TSPAN7: variants seen among roughly 807,000 people sequenced by gnomAD.
The protein encoded by TSPAN7 is tetraspanin-7.
A neutral mutation model predicts 17.6 loss-of-function variants in TSPAN7; 1 was observed. The ratio of observed to expected loss-of-function variants is 0.06; its 90% CI spans 0.02 to 0.27. The LOEUF (loss-of-function observed/expected upper bound fraction) is 0.27, where lower values mean the gene tolerates loss of function less well. TSPAN7 is among the 10% of genes least tolerant of loss of function. TSPAN7 has a pLI of 1.00. For missense variants in TSPAN7, 112 were observed against 201.7 expected (o/e 0.56, Z 2.69); for synonymous variants, 78 against 79.0 (o/e 0.99, Z 0.07).
intron 1 of TSPAN7, among the ~76,000 whole-genome samples, chrX:38,662,660 A>ATC (rs2069754031): frequency 9.0e-6 from 1 of 111,674 alleles, no homozygotes; most frequent in African/African-American, 3.3e-5. Flanking sequence ...TAAGAGGATC[A>ATC]TCATGAACAA....
intron 1 of TSPAN7, among the ~76,000 whole-genome samples, chrX:38,644,818 A>G (rs1321252417): frequency 8.9e-6 from 1 of 112,476 alleles, no homozygotes; most frequent in Non-Finnish European, 1.9e-5. Context: ...ATAAATATCA[A>G]TTTGTTTAAT....
chrX:38,663,925 T>C (rs149251667), intron 1 of TSPAN7, among the ~76,000 whole-genome samples: 147 of 112,782 alleles, frequency 1.3e-3, no homozygotes, highest in African/African-American at 4.3e-3. Flanking sequence ...GGAATGCAGC[T>C]GCTCAGTTTG....
intron 3 of TSPAN7, among the ~76,000 whole-genome samples, chrX:38,673,471 G>A (rs1371211975): frequency 3.8e-5 from 4 of 106,445 alleles, no homozygotes; most frequent in African/African-American, 1.4e-4. Context: ...GGGTTCAAGC[G>A]ATTCTCTTGA....
At chrX:38,592,382 T>TA (rs1204056297) in intron 1 of TSPAN7, among the ~76,000 whole-genome samples, 1 of 112,200 alleles carries the variant, frequency 8.9e-6, no homozygotes. Context: ...TTAGTCTACT[T>TA]ACACTTAATA....
At chrX:38,596,261 C>A in intron 1 of TSPAN7, among the ~76,000 whole-genome samples, 1 of 111,388 alleles carries the variant, frequency 9.0e-6, no homozygotes, top group Admixed American at 9.6e-5. Flanking sequence ...ATGACTGTTT[C>A]TTTACTTCCT....
At chrX:38,681,050 A>C (rs1312849967) in intron 5 of TSPAN7, among the ~76,000 whole-genome samples, 154 bp from the exon 6 acceptor site, 1 of 112,077 alleles carries the variant, frequency 8.9e-6, no homozygotes, top group Non-Finnish European at 1.9e-5. Flanking sequence ...TATTGTTTTA[A>C]GTTTGAAAAG....
chrX:38,620,274 A>G (rs2069481849), intron 1 of TSPAN7, among the ~76,000 whole-genome samples: 1 of 111,764 alleles, frequency 8.9e-6, no homozygotes, highest in South Asian at 3.8e-4. Context: ...AACCCTAAAT[A>G]CCACCCTGTA....
chrX:38,643,800 G>A (rs1395851175), intron 1 of TSPAN7, among the ~76,000 whole-genome samples: 4 of 111,118 alleles, frequency 3.6e-5, no homozygotes, highest in Non-Finnish European at 5.7e-5. Flanking sequence ...AGCCGAGATC[G>A]CGCCACTGCA....
chrX:38,582,201 T>TC (rs1397582741), intron 1 of TSPAN7, among the ~76,000 whole-genome samples: 3 of 112,611 alleles, frequency 2.7e-5, no homozygotes, highest in Non-Finnish European at 3.8e-5. Flanking sequence ...GGAGAAAGTC[T>TC]CGTTTTAAAA....
At chrX:38,616,420 C>A (rs1213955127) in intron 1 of TSPAN7, among the ~76,000 whole-genome samples, 1 of 111,796 alleles carries the variant, frequency 8.9e-6, no homozygotes, top group Non-Finnish European at 1.9e-5. Context: ...TGTTCTGAAT[C>A]GTGGTCATCT....
intron 5 of TSPAN7, among the ~76,000 whole-genome samples, chrX:38,680,544 TC>T (rs2069883064): frequency 2.7e-4 from 11 of 40,744 alleles, no homozygotes; most frequent in African/African-American, 9.4e-4. Flanking sequence ...ACAAATTCTC[TC>T]TCTCTCTCTC....
At chrX:38,620,022 C>T (rs1294659979) in intron 1 of TSPAN7, among the ~76,000 whole-genome samples, 1 of 111,980 alleles carries the variant, frequency 8.9e-6, no homozygotes, top group Non-Finnish European at 1.9e-5. Context: ...TTTAGACCCA[C>T]TTGGAAGTTC....
At chrX:38,567,155 A>C (rs2069147855) in intron 1 of TSPAN7, among the ~76,000 whole-genome samples, 1 of 111,779 alleles carries the variant, frequency 8.9e-6, no homozygotes. Flanking sequence ...AGTCTTAAAG[A>C]GCAACTCCTA....
In TSPAN7 at chrX:38,602,303, CT is replaced by C. The variant is rs886538673; in HGVS notation, c.81+40683del. Among the ~76,000 whole-genome samples the C allele has an allele frequency of 2.0e-4, 22 of 111,159 alleles. No homozygotes were observed. The South Asian group carries it at 2.3e-3, about 11-fold the overall frequency. The stretch of plus-strand genomic sequence containing the variant: ...GTGTTTTAAGTATAATACCTAATCA[CT>C]TTTTTTATTCCTGGAAAAAGAATGC... On this transcript the variant is annotated intron_variant, in intron 1 of 7. Transcript: ENST00000378482.
At chrX:38,644,444 T>A (rs747269918) in intron 1 of TSPAN7, among the ~76,000 whole-genome samples, 7 of 112,238 alleles carry the variant, frequency 6.2e-5, no homozygotes, top group Non-Finnish European at 1.3e-4. Flanking sequence ...TTGCATTTCC[T>A]TAATGAATTT....
intron 1 of TSPAN7, among the ~76,000 whole-genome samples, chrX:38,587,616 A>T (rs2069265833): frequency 8.9e-6 from 1 of 111,960 alleles, no homozygotes; most frequent in African/African-American, 3.2e-5. Flanking sequence ...TTAATGAAGG[A>T]TAACACCCTT....
rs41303209 is a variant in TSPAN7, at chrX:38,687,572, C to T, written c.682-27C>T. The T allele has an allele frequency of 6.9e-3, 8,240 of 1,201,892 alleles. 356 individuals carry two copies. In the African/African-American group the frequency reaches 0.13, roughly 18 times the overall value. ...GTGTGGTTCGGTGACTTGAGATTCT[C>T]ATTTTCGTTTTTCTCCCTGGCAACA... is the stretch of plus-strand genomic sequence containing the variant. On this transcript the variant is annotated intron_variant, in intron 6 of 7. Transcript: ENST00000378482.
At chrX:38,562,782 C>G (rs1398025475) in intron 1 of TSPAN7, among the ~76,000 whole-genome samples, 1 of 111,450 alleles carries the variant, frequency 9.0e-6, no homozygotes, top group East Asian at 2.8e-4. Flanking sequence ...ACAGCTACCC[C>G]GCAGGGGAAT....
intron 1 of TSPAN7, among the ~76,000 whole-genome samples, chrX:38,654,838 G>T (rs2069693362): frequency 8.9e-6 from 1 of 112,390 alleles, no homozygotes; most frequent in Non-Finnish European, 1.9e-5. Flanking sequence ...AGTGGCGAAA[G>T]ATAAAGCAGG....
Sources: gnomAD v4.1 joint callset for allele counts (sites outside exome capture counted in the v4.1 genomes callset) on GRCh38, gnomAD v4.1.1 for gene constraint, MANE v1.5 for transcripts, NCBI Gene and HGNC (gene_info 2026-07-23, HGNC 2026-07-21) for gene names.